Variants in KIF5B observed in about 807,000 individuals in gnomAD.
KIF5B encodes the protein kinesin family member 5B.
KIF5B carries 49 observed loss-of-function variants against 132.8 expected under a neutral mutation model. The observed-to-expected ratio is 0.37, with a 90% CI of 0.29 to 0.47. KIF5B has a LOEUF of 0.47. KIF5B is among the 20% of genes least tolerant of loss of function. KIF5B has a pLI of 1.00. For synonymous variants in KIF5B, 355 were observed against 369.4 expected (o/e 0.96, Z 0.45); for missense variants, 780 against 1,144.0 (o/e 0.68, Z 4.59).
intron 24 of KIF5B, 60 bp from the exon 25 acceptor site, chr10:32,015,719 G>A (rs1841150399): frequency 2.9e-6 from 4 of 1,372,896 alleles, no homozygotes; most frequent in Non-Finnish European, 3.0e-6. Context: ...TGCAATGACT[G>A]TTAAGGTTTC....
chr10:32,028,614 T>C (rs1841362262), intron 14 of KIF5B, 43 bp from the exon 15 acceptor site: 1 of 1,544,138 alleles, frequency 6.5e-7, no homozygotes, highest in Non-Finnish European at 8.8e-7. Flanking sequence ...ATCTACTACA[T>C]GAAAATTCAA....
chr10:32,032,738 T>C lies in KIF5B; in HGVS notation c.1342A>G (p.Lys448Glu). 1 of 1,614,016 alleles carries C rather than the reference T, an allele frequency of 6.2e-7. No homozygotes were observed. The highest frequency in any genetic ancestry group is 1.1e-5 in the South Asian group (1 of 91,082). The part of the protein sequence containing the change: ...EINQQSQLVE[K>E]LKTQMLDQEE... The stretch of plus-strand genomic sequence containing the variant: ...TGATCCAACATTTGCGTCTTCAGTT[T>C]CTCTACCAGTTGACTTTGCTGGTTA... The change falls in exon 13 of 26, where the codon AAA becomes GAA. Residue 448 changes from lysine (K) to glutamate (E), a missense_variant. This residue lies in a region of KIF5B where 471 missense variants were observed against 569.9 expected (regional missense o/e 0.83). Transcript: ENST00000302418.
At chr10:32,033,600 A>C (rs1429715097) in intron 12 of KIF5B, among the ~76,000 whole-genome samples, 1 of 152,196 alleles carries the variant, frequency 6.6e-6, no homozygotes, top group African/African-American at 2.4e-5. Flanking sequence ...GCTGCCTTAT[A>C]AAGTTCTTTT....
rs1164890506 is a variant in KIF5B at position 32,021,144 on chromosome 10, G to C, written c.2095-13C>G. On this transcript the variant is annotated splice_polypyrimidine_tract_variant and intron_variant, in intron 18 of 25. Transcript: ENST00000302418. The stretch of plus-strand genomic sequence containing the variant: ...GTTCAACAGCTTGCTAAAATTTTGG[G>C]GGGGAAAAGGATGTTAAAGTCAGAC... The C allele has an allele frequency of 6.2e-7, 1 of 1,609,670 alleles. No homozygotes were observed. The highest frequency in any genetic ancestry group is 2.2e-5 in the East Asian group (1 of 44,810).
At chr10:32,017,112 A>C in intron 24 of KIF5B, 31 bp downstream of exon 24, 1 of 1,542,638 alleles carries the variant, frequency 6.5e-7, no homozygotes, top group Non-Finnish European at 9.0e-7. Flanking sequence ...AAATTGAGCA[A>C]GGTTTAAAGG....
At chr10:32,020,737 A>T (rs1295671385) in intron 19 of KIF5B, among the ~76,000 whole-genome samples, 2 of 152,104 alleles carry the variant, frequency 1.3e-5, no homozygotes, top group South Asian at 2.1e-4. Flanking sequence ...GAATTTTTTT[A>T]AAAAAGGAAA....
intron 2 of KIF5B, among the ~76,000 whole-genome samples, chr10:32,042,565 T>C (rs1037536986): frequency 1.3e-5 from 2 of 152,192 alleles, no homozygotes; most frequent in Non-Finnish European, 2.9e-5. Context: ...GTCAGGACCG[T>C]GTTTAACTCC....
intron 17 of KIF5B, among the ~76,000 whole-genome samples, chr10:32,021,907 G>A (rs1841269135): frequency 6.6e-6 from 1 of 152,152 alleles, no homozygotes; most frequent in African/African-American, 2.4e-5. Context: ...AGGAGGTGGA[G>A]GTTGCAGTGA....
intron 15 of KIF5B, among the ~76,000 whole-genome samples, chr10:32,027,508 C>T (rs1479019060): frequency 6.6e-6 from 1 of 151,486 alleles, no homozygotes; most frequent in Non-Finnish European, 1.5e-5. Flanking sequence ...ATTTTTCACA[C>T]TAAAATAAAA....
intron 10 of KIF5B, among the ~76,000 whole-genome samples, chr10:32,035,310 G>C (rs1176980447): frequency 6.6e-6 from 1 of 152,104 alleles, no homozygotes; most frequent in Admixed American, 6.5e-5. Context: ...ACACAAATTT[G>C]ACTAAAATTA....
chr10:32,026,793 T>A (rs1048951191), intron 15 of KIF5B, among the ~76,000 whole-genome samples: 1 of 152,126 alleles, frequency 6.6e-6, no homozygotes. Flanking sequence ...TTCTGCGATA[T>A]GAAATAAATG....
intron 25 of KIF5B, among the ~76,000 whole-genome samples, chr10:32,013,543 C>A (rs532894237): frequency 2.0e-5 from 3 of 152,064 alleles, no homozygotes; most frequent in African/African-American, 7.2e-5. Flanking sequence ...TAAAACTAAA[C>A]GCAAACAGCA....
chr10:32,012,524 A>G (rs1029009644), intron 25 of KIF5B, among the ~76,000 whole-genome samples: 2 of 152,252 alleles, frequency 1.3e-5, no homozygotes, highest in Non-Finnish European at 2.9e-5. Context: ...AAGATAGATT[A>G]TAAGAGTTTG....
Position 32,032,612 on chromosome 10 carries a change from A to C in KIF5B, c.1374+94T>G. 4 of 984,210 alleles carry C rather than the reference A, an allele frequency of 4.1e-6. 1 individual carries two copies. The South Asian group carries it at 5.2e-5, about 13-fold the overall frequency. 61.0% of individuals were successfully genotyped at this position (984,210 alleles called of 1,614,324 possible). On this transcript the variant is annotated intron_variant, in intron 13 of 25. Coordinates refer to ENST00000302418, the MANE Select transcript of KIF5B (RefSeq NM_004521.3). ...TATTCCCACAAAGACAGTCATACCCAAAATTATACAACTATTAAAGACAAA... is the reference window on the plus strand; with the variant it reads ...TATTCCCACAAAGACAGTCATACCCCAAATTATACAACTATTAAAGACAAA...
chr10:32,014,580 G>A (rs1841133173), intron 25 of KIF5B, among the ~76,000 whole-genome samples: 1 of 151,978 alleles, frequency 6.6e-6, no homozygotes, highest in African/African-American at 2.4e-5. Context: ...ATAGTATATT[G>A]TGTAGTATCT....
chr10:32,035,830 CACCT>C, intron 9 of KIF5B, 56 bp downstream of exon 9: 1 of 1,389,606 alleles, frequency 7.2e-7, no homozygotes, highest in Non-Finnish European at 1.0e-6. Context: ...CACACATATA[CACCT>C]ATATTTAAAT....
In KIF5B at chr10:32,021,408, C is replaced by A. The variant is rs1328240551; in HGVS notation, c.2033-121G>T. ...TTAGCAATATTCAACTTCAAATTAC[C>A]CAAATGTCACCTGCTCTCCAAGTTC... On this transcript the variant is annotated intron_variant, in intron 17 of 25. Transcript: ENST00000302418. 4 of 672,158 alleles carry A rather than the reference C, an allele frequency of 6.0e-6. No homozygotes were observed. The Admixed American group carries it at 7.7e-5, about 13-fold the overall frequency. The allele number at this position is 672,158 out of a possible 1,614,324, so 41.6% of individuals were successfully genotyped here.
At chr10:32,048,668 T>A in intron 1 of KIF5B, 117 bp from the exon 2 acceptor site, 1 of 631,930 alleles carries the variant, frequency 1.6e-6, no homozygotes, top group East Asian at 2.9e-5. Context: ...CTAGTATGCA[T>A]AATTTGGTAT....
At chr10:32,030,180 G>A (rs1841384280) in intron 14 of KIF5B, among the ~76,000 whole-genome samples, 2 of 152,122 alleles carry the variant, frequency 1.3e-5, no homozygotes, top group African/African-American at 4.8e-5. Flanking sequence ...CATTGTTGGA[G>A]GTTGGCGATG....
Sources: gnomAD v4.1 joint callset for allele counts (sites outside exome capture counted in the v4.1 genomes callset) on GRCh38, gnomAD v4.1.1 for gene constraint, gnomAD v4.1.1 regional missense constraint, MANE v1.5 for transcripts, NCBI Gene and HGNC (gene_info 2026-07-23, HGNC 2026-07-21) for gene names.